The following TRIM58 variants were observed in gnomAD, a reference collection of about 807,000 sequenced individuals.
TRIM58 encodes the protein tripartite motif containing 58.
Under a neutral mutation model 34.1 loss-of-function variants are expected in TRIM58, and 38 were observed. The observed-to-expected ratio is 1.12, with a 90% CI of 0.86 to 1.46. The LOEUF is 1.46. Ranked by LOEUF, TRIM58 falls within the 40% of genes most tolerant of loss-of-function variation. The pLI is 0.00. For missense variants in TRIM58, 677 were observed against 642.0 expected, an observed-to-expected ratio of 1.05 and a Z score of -0.59; for synonymous variants, 273 against 275.7, an observed-to-expected ratio of 0.99 and a Z score of 0.10.
chr1:247,860,197 C>A (rs1257156586), intron 1 of TRIM58, among the ~76,000 whole-genome samples: 1 of 152,176 alleles, frequency 6.6e-6, no homozygotes, highest in Non-Finnish European at 1.5e-5. Flanking sequence ...GGCCCAGTGG[C>A]TCATGCCTAT....
In TRIM58 at chr1:247,874,849, G is replaced by A. The variant is rs555014709; in HGVS notation, c.872-1051G>A. ...AGGCCAGGCTTCTGTGTAGGTCGGGGGAAGAACCTTACCTCCAACCTTATT... is the reference window on the plus strand; with the variant it reads ...AGGCCAGGCTTCTGTGTAGGTCGGGAGAAGAACCTTACCTCCAACCTTATT... On this transcript the variant is annotated intron_variant, in intron 5 of 5. Coordinates refer to ENST00000366481, the MANE Select transcript of TRIM58 (RefSeq NM_015431.4). Among the ~76,000 whole-genome samples, 18 of 152,212 alleles carry A rather than the reference G, an allele frequency of 1.2e-4. No individual in the cohort carries two copies. The South Asian group carries it at 3.7e-3, about 32-fold the overall frequency.
At chr1:247,869,796 AG>A (rs951021506) in intron 5 of TRIM58, among the ~76,000 whole-genome samples, 3 of 152,236 alleles carry the variant, frequency 2.0e-5, no homozygotes, top group African/African-American at 7.2e-5. Context: ...AACTGACCAA[AG>A]ACAAATAGGA....
At chr1:247,858,240 G>A (rs113791228) in intron 1 of TRIM58, among the ~76,000 whole-genome samples, 1 of 152,106 alleles carries the variant, frequency 6.6e-6, no homozygotes, top group Non-Finnish European at 1.5e-5. Flanking sequence ...GCAGGGATTT[G>A]GGGACTTAGG....
At chr1:247,858,349 G>C (rs1259715457) in intron 1 of TRIM58, among the ~76,000 whole-genome samples, 1 of 152,168 alleles carries the variant, frequency 6.6e-6, no homozygotes, top group African/African-American at 2.4e-5. Flanking sequence ...TTGGTCCCCA[G>C]AGTGGCATCT....
At chr1:247,875,771 ATTTGT>A (rs1480680776) in intron 5 of TRIM58, 124 bp from the exon 6 acceptor site, 1 of 699,480 alleles carries the variant, frequency 1.4e-6, no homozygotes, top group East Asian at 2.8e-5. Flanking sequence ...TGAAATACTG[ATTTGT>A]TTTCTCTAGG....
chr1:247,867,791 CTG>C (rs1230001743), intron 3 of TRIM58, 52 bp from the exon 4 acceptor site: 47 of 1,610,334 alleles, frequency 2.9e-5, no homozygotes, highest in Middle Eastern at 1.7e-4. Context: ...TTCAGTCTGA[CTG>C]TGAAAAGCAG....
At chr1:247,866,225 A>G (rs966401169) in intron 3 of TRIM58, among the ~76,000 whole-genome samples, 3 of 151,798 alleles carry the variant, frequency 2.0e-5, no homozygotes, top group African/African-American at 7.3e-5. Context: ...GGCTGAGTGC[A>G]GGGTGCAGTG....
At chr1:247,860,444 C>T (rs1163473355) in intron 1 of TRIM58, among the ~76,000 whole-genome samples, 173 bp from the exon 2 acceptor site, 1 of 151,998 alleles carries the variant, frequency 6.6e-6, no homozygotes, top group East Asian at 1.9e-4. Context: ...AGTGACAGAG[C>T]GAGACCCTGA....
rs1659281822 is a variant in TRIM58 at position 247,876,180 on chromosome 1, G to C, written c.1152G>C (p.Leu384=). 1 of 1,614,238 alleles carries C rather than the reference G, an allele frequency of 6.2e-7. No individual in the cohort carries two copies. The highest frequency in any genetic ancestry group is 8.5e-7 in the Non-Finnish European group (1 of 1,180,040). ...CTCCTGAGAATGGGGTCTGGGCCCT[G>C]TGGCTGCTGAAAGGGAATGAGTACA... ...TPSPENGVWA[L]WLLKGNEYMV... is the part of the protein sequence containing the mutation. The change falls in exon 6 of 6, where the codon CTG becomes CTC. Residue 384 remains leucine, a synonymous_variant. Transcript: ENST00000366481.
intron 2 of TRIM58, among the ~76,000 whole-genome samples, chr1:247,863,733 G>A (rs749702816): frequency 1.3e-5 from 2 of 152,156 alleles, no homozygotes; most frequent in Admixed American, 6.5e-5. Context: ...GTTAGTTTTC[G>A]ATATACTTAT....
chr1:247,868,072 A>AAG lies in TRIM58; in HGVS notation c.871+9_871+10insAG, dbSNP rs766781649. 1.9e-6 allele frequency: 3 copies of AAG among 1,594,744 alleles called. No individual in the cohort carries two copies. The highest frequency in any genetic ancestry group is 4.5e-5 in the East Asian group (2 of 44,588). ...CTTAAGGAAGTTCCAAGGTAGTTGC[A>AAG]TCTTAGAGACTGGGAATTAGGCTGC... is the stretch of plus-strand genomic sequence containing the variant. On this transcript the variant is annotated intron_variant, in intron 5 of 5. Transcript: ENST00000366481.
At position 247,857,223 on chromosome 1, in the gene TRIM58, G is replaced by T. The variant is rs1255997751; in HGVS notation, c.-24G>T. Reference sequence around the variant, plus strand: ...GGGGAGACGGTGCGGGCGGCCGGGAGCGCAGCCCTCCGGGAGGCGGGTCAT... The same window carrying T: ...GGGGAGACGGTGCGGGCGGCCGGGATCGCAGCCCTCCGGGAGGCGGGTCAT... On this transcript the variant is annotated 5_prime_UTR_variant, in exon 1 of 6. Transcript: ENST00000366481. The T allele has an allele frequency of 2.3e-6, 3 of 1,309,448 alleles. No individual in the cohort carries two copies. Among genetic ancestry groups the T allele is most frequent in the Non-Finnish European group, 2.9e-6 (3 of 1,023,416 alleles). 81.1% of individuals were successfully genotyped at this position (1,309,448 alleles called of 1,614,324 possible).
rs984245280 is a variant in TRIM58, at chr1:247,878,419, T to C, written c.*1930T>C. On this transcript the variant is annotated 3_prime_UTR_variant, in exon 6 of 6. Transcript: ENST00000366481. ...TTCCAATCATATTACTAACGTAGCCTTCTTCCTAGATTTTTTAATTGTTTG... is the reference window on the plus strand; with the variant it reads ...TTCCAATCATATTACTAACGTAGCCCTCTTCCTAGATTTTTTAATTGTTTG... 2.0e-5 allele frequency among the ~76,000 whole-genome samples: 3 copies of C among 152,238 alleles called. No individual in the cohort carries two copies. The highest frequency in any genetic ancestry group is 7.2e-5 in the African/African-American group (3 of 41,464).
At chr1:247,868,166 C>T in intron 5 of TRIM58, 103 bp downstream of exon 5, 1 of 984,944 alleles carries the variant, frequency 1.0e-6, no homozygotes, top group Non-Finnish European at 1.5e-6. Flanking sequence ...TGGGGTTTGC[C>T]TCGTATTGTG....
At chr1:247,872,421 T>C (rs928667806) in intron 5 of TRIM58, among the ~76,000 whole-genome samples, 1 of 152,198 alleles carries the variant, frequency 6.6e-6, no homozygotes, top group Non-Finnish European at 1.5e-5. Context: ...TTATATATGA[T>C]GTGCTATAAA....
intron 5 of TRIM58, among the ~76,000 whole-genome samples, chr1:247,872,552 A>G (rs996653661): frequency 6.6e-6 from 1 of 152,214 alleles, no homozygotes; most frequent in African/African-American, 2.4e-5. Flanking sequence ...GGTTTTGGAT[A>G]TGTGGATGTT....
Position 247,877,223 on chromosome 1 carries a change from A to G in TRIM58, c.*734A>G, listed in dbSNP as rs1395062617. The G allele has an allele frequency of 6.6e-6, 1 of 152,172 alleles. No individual in the cohort carries two copies. 9.4% of individuals were successfully genotyped at this position (152,172 alleles called of 1,614,324 possible). A position where few individuals can be genotyped will look rare whatever the true frequency, so the allele number is the denominator to read the frequency against. ...CGTTTTCTTTGGATACACTTTAAGT[A>G]GGAATTTATCAGAATTTTCATTCAA... On this transcript the variant is annotated 3_prime_UTR_variant, in exon 6 of 6. Coordinates refer to ENST00000366481, the MANE Select transcript of TRIM58 (RefSeq NM_015431.4).
chr1:247,860,877 A>G, intron 2 of TRIM58, among the ~76,000 whole-genome samples, 165 bp downstream of exon 2: 1 of 152,086 alleles, frequency 6.6e-6, no homozygotes, highest in African/African-American at 2.4e-5. Context: ...CTCAAATGAT[A>G]TGGTTCATTT....
Position 247,857,304 on chromosome 1 carries a change from C to T in TRIM58, c.58C>T (p.Leu20=). The T allele has an allele frequency of 1.4e-6, 2 of 1,427,218 alleles. No individual in the cohort carries two copies. The highest frequency in any genetic ancestry group is 1.8e-6 in the Non-Finnish European group (2 of 1,082,430). The allele number at this position is 1,427,218 out of a possible 1,614,324, so 88.4% of individuals were successfully genotyped here. A position where few individuals can be genotyped will look rare whatever the true frequency, so the allele number is the denominator to read the frequency against. Residue 20 remains leucine, a synonymous_variant, in exon 1 of 6, where the codon CTG becomes TTG. Coordinates refer to ENST00000366481, the MANE Select transcript of TRIM58 (RefSeq NM_015431.4). ...LREDARCPVC[L]DFLQEPVSVD... The stretch of plus-strand genomic sequence containing the variant: ...CGAGGATGCGCGGTGCCCGGTGTGC[C>T]TGGATTTCCTGCAGGAGCCGGTCAG...
Sources: gnomAD v4.1 joint callset for allele counts (sites outside exome capture counted in the v4.1 genomes callset) on GRCh38, gnomAD v4.1.1 for gene constraint, MANE v1.5 for transcripts, NCBI Gene and HGNC (gene_info 2026-07-23, HGNC 2026-07-21) for gene names.